The following COL5A1 variants were observed in gnomAD, a reference collection of about 807,000 sequenced individuals.
COL5A1 encodes the protein collagen alpha-1(V) chain.
Under a neutral mutation model 263.7 loss-of-function variants are expected in COL5A1, and 16 were observed. The ratio of observed to expected loss-of-function variants is 0.06; its 90% CI spans 0.04 to 0.09. The LOEUF is 0.09. Among genes scored for constraint, COL5A1 ranks in the 10% least tolerant of loss-of-function variants. COL5A1 has a pLI of 1.00. For missense variants in COL5A1, 2,036 were observed against 2,540.5 expected, an observed-to-expected ratio of 0.80 and a Z score of 4.27; for synonymous variants, 1,012 against 1,004.5, an observed-to-expected ratio of 1.01 and a Z score of -0.14.
At chr9:134,763,658 C>A in intron 19 of COL5A1, 35 bp from the exon 20 acceptor site, 2 of 1,611,002 alleles carry the variant, frequency 1.2e-6, no homozygotes, top group South Asian at 1.1e-5. Flanking sequence ...GCTAACAGCT[C>A]ATTTCTCTAA....
Position 134,767,132 on chromosome 9 carries a change from A to C in COL5A1, c.2187+79A>C. 2.6e-6 allele frequency: 4 copies of C among 1,535,026 alleles called. No individual in the cohort carries two copies. In the South Asian group the frequency reaches 4.6e-5, roughly 18 times the overall value. ...GTCTCCAGTCCGGAGCCCTGGGAGG[A>C]AGCGGGGAGCTCTGTCCCCTCCAAG... On this transcript the variant is annotated intron_variant, in intron 23 of 65. Transcript: ENST00000371817.
In COL5A1 at chr9:134,677,368, TC is replaced by T. The variant is rs973067355; in HGVS notation, c.110-13542del. Among the ~76,000 whole-genome samples, 12 of 152,218 alleles carry T rather than the reference TC, an allele frequency of 7.9e-5. 1 individual carries two copies. The highest frequency in any genetic ancestry group is 2.9e-4 in the African/African-American group (12 of 41,542). On this transcript the variant is annotated intron_variant, in intron 1 of 65. Coordinates refer to ENST00000371817, the MANE Select transcript of COL5A1 (RefSeq NM_000093.5). This position sits in a 1 kb window ranked among gnomAD's most constrained non-coding sequence, Gnocchi z 4.4. ...GAGCTGCCCTTGGTTCTCAGGTACA[TC>T]CTTGTGCTGGGTTCCACTGAGCATT...
Position 134,816,623 on chromosome 9 carries a change from T to C in COL5A1, c.4123-403T>C, listed in dbSNP as rs559452227. 9.2e-5 allele frequency among the ~76,000 whole-genome samples: 14 copies of C among 152,338 alleles called. No individual in the cohort carries two copies. In the South Asian group the frequency reaches 2.9e-3, roughly 32 times the overall value. On this transcript the variant is annotated intron_variant, in intron 52 of 65. Transcript: ENST00000371817. ...CAGAGAAGGGGTTAGGGATCTAGCC[T>C]CGGGCTGGATTTCCCTGACAGACAC... is the stretch of plus-strand genomic sequence containing the variant.
At chr9:134,783,149 C>T (rs147786099) in intron 29 of COL5A1, among the ~76,000 whole-genome samples, 13 of 152,336 alleles carry the variant, frequency 8.5e-5, no homozygotes, top group East Asian at 5.8e-4. Flanking sequence ...GCCACACGGC[C>T]GGCGCCCACA....
intron 46 of COL5A1, among the ~76,000 whole-genome samples, chr9:134,812,115 A>G (rs1208433466): frequency 6.6e-6 from 1 of 152,190 alleles, no homozygotes; most frequent in Non-Finnish European, 1.5e-5. Context: ...TTTGGAAAAC[A>G]TGATTTTTAG....
chr9:134,729,328 C>T (rs371612293), intron 6 of COL5A1, among the ~76,000 whole-genome samples: 68 of 152,244 alleles, frequency 4.5e-4, no homozygotes, highest in South Asian at 1.2e-3. Context: ...TAGCAGGGCC[C>T]GGGCCCCGTG....
intron 1 of COL5A1, among the ~76,000 whole-genome samples, chr9:134,643,099 C>CG (rs1588392770): frequency 6.6e-6 from 1 of 152,204 alleles, no homozygotes; most frequent in African/African-American, 2.4e-5. Context: ...GCTTGCTTCC[C>CG]GGGGAGGGCG....
rs1349826540 is a variant in COL5A1 at position 134,716,752 on chromosome 9, T to G, written c.655-10514T>G. 1.2e-4 allele frequency among the ~76,000 whole-genome samples: 19 copies of G among 152,198 alleles called. 1 individual carries two copies. Among genetic ancestry groups the G allele is most frequent in the Admixed American group, 1.2e-3 (19 of 15,284 alleles). On this transcript the variant is annotated intron_variant, in intron 4 of 65. Coordinates refer to ENST00000371817, the MANE Select transcript of COL5A1 (RefSeq NM_000093.5). The surrounding 1 kb of genome is among the most constrained non-coding windows in gnomAD (Gnocchi z 4.5). ...CTGTGACCTGATCATGCCCCTTCTC[T>G]GCACCCATGCGGCCCACCCCCATGT...
chr9:134,745,579 C>T (rs892977529), intron 11 of COL5A1, among the ~76,000 whole-genome samples: 3 of 152,158 alleles, frequency 2.0e-5, no homozygotes, highest in Non-Finnish European at 4.4e-5. Flanking sequence ...CATCAGGCTT[C>T]TTGATAGGGC....
intron 32 of COL5A1, among the ~76,000 whole-genome samples, chr9:134,790,605 CCCATCCATCCATCCAT>C (rs58733002): frequency 1.9e-4 from 16 of 84,548 alleles, no homozygotes; most frequent in Admixed American, 2.5e-4. Context: ...CATCCACCCA[CCCATCCATCCATCCAT>C]CCATCCATCC....
chr9:134,820,206 G>A lies in COL5A1; in HGVS notation c.4537G>A (p.Gly1513Ser), dbSNP rs1489565447. Reference protein sequence around the residue: ...RGLPGPQGSSGPKGEQGITGP... With the variant: ...RGLPGPQGSSSPKGEQGITGP... ...TCTCCCTGGCCCCCAGGGCTCCTCC[G>A]GTCCTAAGGGAGAACAGGTGCGTGA... is the stretch of plus-strand genomic sequence containing the variant. Residue 1513 changes from glycine (G) to serine (S), a missense_variant, in exon 58 of 66, where the codon GGT becomes AGT. By Grantham distance (56) the Gly-to-Ser change is moderately conservative. Around this residue, in one of 3 missense-constraint regions of COL5A1, gnomAD observed 1,078 missense variants for 1,521.4 expected, o/e 0.71. Coordinates refer to ENST00000371817, the MANE Select transcript of COL5A1 (RefSeq NM_000093.5). The A allele has an allele frequency of 6.2e-7, 1 of 1,613,754 alleles. No individual in the cohort carries two copies. The highest frequency in any genetic ancestry group is 8.5e-7 in the Non-Finnish European group (1 of 1,179,880).
chr9:134,810,870 T>C (rs548519826), intron 44 of COL5A1, among the ~76,000 whole-genome samples: 137 of 150,426 alleles, frequency 9.1e-4, no homozygotes, highest in Non-Finnish European at 1.1e-3. Context: ...TGTGTCCTTC[T>C]TCCAGCCGTG....
chr9:134,672,913 C>G (rs892395512), intron 1 of COL5A1, among the ~76,000 whole-genome samples: 1 of 152,066 alleles, frequency 6.6e-6, no homozygotes, highest in Non-Finnish European at 1.5e-5. Flanking sequence ...GCTGTTACAA[C>G]AATATTAAAA....
intron 1 of COL5A1, among the ~76,000 whole-genome samples, chr9:134,666,705 T>C (rs2132506004): frequency 6.6e-6 from 1 of 152,124 alleles, no homozygotes; most frequent in East Asian, 1.9e-4. Flanking sequence ...GAGGATGGAG[T>C]GTGGCTAGCC....
Position 134,808,850 on chromosome 9 carries a change from A to G in COL5A1, c.3367-333A>G, listed in dbSNP as rs751074864. Reference sequence around the variant, plus strand: ...TGGCTCCCGGTCACTAGCTTAGACAATCCACATACAGGCTCAAGAATTTGG... The same window carrying G: ...TGGCTCCCGGTCACTAGCTTAGACAGTCCACATACAGGCTCAAGAATTTGG... On this transcript the variant is annotated intron_variant, in intron 42 of 65. Transcript: ENST00000371817. 1.3e-4 allele frequency: 55 copies of G among 410,762 alleles called. 1 individual carries two copies. The highest frequency in any genetic ancestry group is 2.1e-4 in the Non-Finnish European group (46 of 218,096). The allele number at this position is 410,762 out of a possible 1,614,324, so 25.4% of individuals were successfully genotyped here. A position where few individuals can be genotyped will look rare whatever the true frequency, so the allele number is the denominator to read the frequency against.
intron 48 of COL5A1, 121 bp downstream of exon 48, chr9:134,812,833 T>C: frequency 2.6e-6 from 2 of 754,906 alleles, no homozygotes; most frequent in Non-Finnish European, 4.7e-6. Flanking sequence ...TGGGGGTGCA[T>C]ACACGTGTGT....
chr9:134,672,717 A>T (rs1475459081), intron 1 of COL5A1, among the ~76,000 whole-genome samples: 1 of 152,250 alleles, frequency 6.6e-6, no homozygotes, highest in Non-Finnish European at 1.5e-5. Flanking sequence ...ATTGGAAAGG[A>T]TGAAGTAAAA....
chr9:134,839,759 G>C (rs2132937738), intron 65 of COL5A1, among the ~76,000 whole-genome samples: 1 of 152,312 alleles, frequency 6.6e-6, no homozygotes, highest in Non-Finnish European at 1.5e-5. Context: ...GTACCCTCAG[G>C]GTTCACCCCT....
In COL5A1 at chr9:134,699,803, A is replaced by G; in HGVS notation, c.278-106A>G. 4 of 1,101,652 alleles carry G rather than the reference A, an allele frequency of 3.6e-6. No individual in the cohort carries two copies. The South Asian group carries it at 5.1e-5, about 14-fold the overall frequency. 68.2% of individuals were successfully genotyped at this position (1,101,652 alleles called of 1,614,324 possible). ...CAGATGGCAGTGCCCCACGACGGGC[A>G]GCACAGCTTCCCAGGGTCCCGGGCT... On this transcript the variant is annotated intron_variant, in intron 2 of 65. Transcript: ENST00000371817.
Sources: allele counts gnomAD v4.1 joint callset (sites outside exome capture counted in the v4.1 genomes callset), GRCh38; gene constraint gnomAD v4.1.1; regional missense constraint gnomAD v4.1.1; non-coding constraint Gnocchi (gnomAD v3.1); transcripts MANE v1.5; gene names NCBI Gene and HGNC (gene_info 2026-07-23, HGNC 2026-07-21).